INPP4B: variants seen among roughly 807,000 people sequenced by gnomAD.
The protein encoded by INPP4B is inositol polyphosphate-4-phosphatase type II B.
INPP4B carries 55 observed loss-of-function variants against 122.5 expected under a neutral mutation model. The ratio of observed to expected loss-of-function variants is 0.45; its 90% CI spans 0.36 to 0.56. The LOEUF is 0.56. Among genes scored for constraint, INPP4B ranks in the 20% least tolerant of loss-of-function variants. The probability of loss-of-function intolerance (pLI) is 0.00; values close to 1 mark genes in which losing one functional copy is unlikely to be tolerated. For synonymous variants in INPP4B, 403 were observed against 388.7 expected, an observed-to-expected ratio of 1.04 and a Z score of -0.43; for missense variants, 1,000 against 1,097.7, an observed-to-expected ratio of 0.91 and a Z score of 1.26.
At chr4:142,292,753 T>C (rs548294532) in intron 9 of INPP4B, among the ~76,000 whole-genome samples, 10 of 152,318 alleles carry the variant, frequency 6.6e-5, no homozygotes, top group Non-Finnish European at 1.5e-4. Flanking sequence ...TCTAAAGAAG[T>C]GTGTTTACTT....
intron 2 of INPP4B, among the ~76,000 whole-genome samples, chr4:142,565,119 G>C (rs1307181156): frequency 2.0e-5 from 3 of 151,996 alleles, no homozygotes; most frequent in African/African-American, 7.3e-5. Flanking sequence ...TACTGGCCAG[G>C]TATTCTGGAT....
chr4:142,084,549 T>C (rs1021285630), intron 24 of INPP4B, among the ~76,000 whole-genome samples: 2 of 152,060 alleles, frequency 1.3e-5, no homozygotes, highest in African/African-American at 4.8e-5. Flanking sequence ...TCAAAAGGAA[T>C]TTCGGTATTT....
At chr4:142,463,467 G>C (rs1359186993) in intron 2 of INPP4B, among the ~76,000 whole-genome samples, 1 of 152,100 alleles carries the variant, frequency 6.6e-6, no homozygotes, top group Non-Finnish European at 1.5e-5. Flanking sequence ...AGGATAGCTG[G>C]GAGTTTGTTC....
At position 142,612,820 on chromosome 4, in the gene INPP4B, A is replaced by T. The variant is rs565390872; in HGVS notation, c.-191+113019T>A. ...GGTGTTAGGATTTAACACCCTATGA[A>T]ATTGGTGGAAAAGAAGCATTCAGTC... On this transcript the variant is annotated intron_variant, in intron 2 of 25. Transcript: ENST00000262992. 5.3e-4 allele frequency among the ~76,000 whole-genome samples: 81 copies of T among 152,192 alleles called. 1 individual carries two copies. The highest frequency in any genetic ancestry group is 1.9e-3 in the African/African-American group (79 of 41,516).
chr4:142,223,973 C>A (rs79356886), intron 12 of INPP4B, among the ~76,000 whole-genome samples: 5,204 of 152,214 alleles, frequency 0.034, 288 homozygotes, highest in African/African-American at 0.12. Flanking sequence ...TAGCTGCTCC[C>A]TATTGCTTTT....
At chr4:142,602,869 C>T (rs1297487045) in intron 2 of INPP4B, among the ~76,000 whole-genome samples, 1 of 152,074 alleles carries the variant, frequency 6.6e-6, no homozygotes, top group Non-Finnish European at 1.5e-5. Context: ...GGTATATACC[C>T]AAAGGAATAT....
intron 25 of INPP4B, among the ~76,000 whole-genome samples, chr4:142,072,821 A>G (rs77861372): frequency 0.025 from 3,779 of 152,162 alleles, 175 homozygotes; most frequent in African/African-American, 0.087. Context: ...TCACTACAAT[A>G]TAAGTTTGAC....
chr4:142,163,443 G>A (rs1229393822), intron 16 of INPP4B, among the ~76,000 whole-genome samples: 1 of 151,844 alleles, frequency 6.6e-6, no homozygotes, highest in African/African-American at 2.4e-5. Context: ...TGATGTGGAA[G>A]CCTAACACTA....
chr4:142,124,736 G>T lies in INPP4B; in HGVS notation c.1745C>A (p.Pro582His). 1 of 1,593,418 alleles carries T rather than the reference G, an allele frequency of 6.3e-7. No homozygotes were observed. Residue 582 changes from proline to histidine, a missense_variant, in exon 19 of 26, where the codon CCC becomes CAC. Transcript: ENST00000262992. ...GCAGTCCTTCAGGGTAAGGATGAGG[G>T]GATACAACTGTTCATACCAGTCCTC... ...PREDWYEQLY[P>H]LILTLKDCMG...
intron 1 of INPP4B, among the ~76,000 whole-genome samples, chr4:142,819,689 A>G (rs1780565359): frequency 6.6e-6 from 1 of 152,110 alleles, no homozygotes. Context: ...TCAAATACGT[A>G]TGTGGTAGAG....
intron 25 of INPP4B, among the ~76,000 whole-genome samples, chr4:142,069,843 T>C (rs1258186867): frequency 5.3e-5 from 8 of 152,126 alleles, no homozygotes; most frequent in Non-Finnish European, 4.4e-5. Flanking sequence ...AAATAATTAA[T>C]AGCCTACCAA....
chr4:142,380,301 T>C (rs1793628593), intron 7 of INPP4B, among the ~76,000 whole-genome samples: 1 of 152,182 alleles, frequency 6.6e-6, no homozygotes, highest in African/African-American at 2.4e-5. Flanking sequence ...TGCAAATGGC[T>C]GTCACTTTCT....
At chr4:142,128,075 C>G (rs911793462) in intron 18 of INPP4B, among the ~76,000 whole-genome samples, 1 of 152,060 alleles carries the variant, frequency 6.6e-6, no homozygotes, top group Admixed American at 6.6e-5. Context: ...CAAGCTTCAG[C>G]TCTTGACAGT....
At chr4:142,323,387 A>C (rs1579732687) in intron 7 of INPP4B, among the ~76,000 whole-genome samples, 1 of 151,198 alleles carries the variant, frequency 6.6e-6, no homozygotes, top group East Asian at 2.0e-4. Context: ...ACAGGTCTTC[A>C]TTGCACCTAA....
At chr4:142,151,291 C>G (rs771852467) in intron 17 of INPP4B, among the ~76,000 whole-genome samples, 2 of 152,056 alleles carry the variant, frequency 1.3e-5, no homozygotes, top group Admixed American at 6.6e-5. Flanking sequence ...CACACACACA[C>G]CACATATCAA....
At position 142,738,080 on chromosome 4, in the gene INPP4B, A is replaced by T. The variant is rs561626367; in HGVS notation, c.-253-12179T>A. Among the ~76,000 whole-genome samples, 380 of 152,262 alleles carry T rather than the reference A, an allele frequency of 2.5e-3. 1 individual carries two copies. Among genetic ancestry groups the T allele is most frequent in the African/African-American group, 8.7e-3 (362 of 41,536 alleles). On this transcript the variant is annotated intron_variant, in intron 1 of 25. Transcript: ENST00000262992. ...TCCTCAGGGATCTAGAACTAGAAAT[A>T]CCATTTGACCCAGCCATCCCATTAC...
At chr4:142,698,000 T>C (rs1475651273) in intron 2 of INPP4B, among the ~76,000 whole-genome samples, 3 of 152,208 alleles carry the variant, frequency 2.0e-5, no homozygotes, top group African/African-American at 7.2e-5. Flanking sequence ...TAAGGTTAGC[T>C]TCTTATAATA....
intron 1 of INPP4B, among the ~76,000 whole-genome samples, chr4:142,827,923 T>C (rs1366169478): frequency 6.6e-6 from 1 of 152,122 alleles, no homozygotes; most frequent in East Asian, 1.9e-4. Context: ...TAAATAATAA[T>C]GAATTTGTAA....
At chr4:142,148,971 C>T (rs1307044552) in intron 17 of INPP4B, among the ~76,000 whole-genome samples, 6 of 152,220 alleles carry the variant, frequency 3.9e-5, no homozygotes, top group Admixed American at 6.5e-5. Flanking sequence ...AGGGGACACT[C>T]AGCAGCAGAC....
Sources: gnomAD v4.1 joint callset for allele counts (sites outside exome capture counted in the v4.1 genomes callset) on GRCh38, gnomAD v4.1.1 for gene constraint, MANE v1.5 for transcripts, NCBI Gene and HGNC (gene_info 2026-07-23, HGNC 2026-07-21) for gene names.